Variants in USP1 observed in about 807,000 individuals in gnomAD.
USP1 encodes ubiquitin specific peptidase 1, also known as ubiquitin carboxyl-terminal hydrolase 1.
USP1 carries 18 observed loss-of-function variants against 72.2 expected under a neutral mutation model. That is an observed-to-expected ratio of 0.25 (90% CI 0.17 to 0.37). The LOEUF (loss-of-function observed/expected upper bound fraction) is 0.37, where lower values mean the gene tolerates loss of function less well. Among genes scored for constraint, USP1 ranks in the 10% least tolerant of loss-of-function variants. USP1 has a pLI of 1.00. For missense variants in USP1, 759 were observed against 884.9 expected (o/e 0.86, Z 1.81); for synonymous variants, 354 against 303.7 (o/e 1.17, Z -1.72).
intron 7 of USP1, among the ~76,000 whole-genome samples, chr1:62,447,855 C>T (rs773259287): frequency 1.6e-4 from 24 of 152,048 alleles, no homozygotes; most frequent in Non-Finnish European, 2.6e-4. Context: ...GGCGTGATCT[C>T]GGCTCACTGC....
rs142067480 is a variant in USP1 at position 62,443,201 on chromosome 1, T to C, written c.439T>C (p.Cys147Arg). ...TTCTTTGGCAAGTTATGAATTGATATGCAGTTTACAGTCCTTAATCATTTC... is the reference window on the plus strand; with the variant it reads ...TTCTTTGGCAAGTTATGAATTGATACGCAGTTTACAGTCCTTAATCATTTC... ...EDSLASYELI[C>R]SLQSLIISVE... Residue 147 changes from cysteine (C) to arginine (R), a missense_variant, in exon 5 of 9, where the codon TGC becomes CGC. By Grantham distance (180) the Cys-to-Arg change is radical. This residue lies in a region of USP1 where 71 missense variants were observed against 71.0 expected (regional missense o/e 1.00). Coordinates refer to ENST00000339950, the MANE Select transcript of USP1 (RefSeq NM_003368.5). The C allele has an allele frequency of 3.8e-5, 61 of 1,613,544 alleles. No homozygotes were observed. The highest frequency in any genetic ancestry group is 1.6e-4 in the Middle Eastern group (1 of 6,082).
upstream of USP1, chr1:62,436,887 C>A (rs1233277935): frequency 2.6e-6 from 1 of 384,962 alleles, no homozygotes; most frequent in African/African-American, 2.1e-5. Context: ...CCAGCTGGCT[C>A]CGGAGCCCGT....
intron 8 of USP1, among the ~76,000 whole-genome samples, chr1:62,449,732 C>G (rs1645200125): frequency 6.6e-6 from 1 of 151,870 alleles, no homozygotes; most frequent in Non-Finnish European, 1.5e-5. Flanking sequence ...GGCAACATGA[C>G]AAAACCCTAT....
chr1:62,445,117 A>C lies in USP1; in HGVS notation c.937A>C (p.Ser313Arg). 1 of 1,613,518 alleles carries C rather than the reference A, an allele frequency of 6.2e-7. No individual in the cohort carries two copies. Among genetic ancestry groups the C allele is most frequent in the Non-Finnish European group, 8.5e-7 (1 of 1,179,874 alleles). Residue 313 changes from serine (S) to arginine (R), a missense_variant, in exon 6 of 9, where the codon AGT becomes CGT. Around this residue, in one of 9 missense-constraint regions of USP1, gnomAD observed 245 missense variants for 240.7 expected, o/e 1.02. Transcript: ENST00000339950. ...AAAAGCTACAAGTGATACATTAGAGAGTCCTCCTAAAATAATTCCCAAGTA... is the reference window on the plus strand; with the variant it reads ...AAAAGCTACAAGTGATACATTAGAGCGTCCTCCTAAAATAATTCCCAAGTA... ...KRKATSDTLE[S>R]PPKIIPKYIS...
upstream of USP1, chr1:62,436,625 A>C: frequency 6.5e-6 from 1 of 152,818 alleles, no homozygotes; most frequent in Non-Finnish European, 1.5e-5. Flanking sequence ...TTCATCATGG[A>C]TTGGTGAATT....
chr1:62,442,570 C>T (rs1203971466), intron 4 of USP1, among the ~76,000 whole-genome samples: 6 of 152,068 alleles, frequency 3.9e-5, no homozygotes, highest in Middle Eastern at 3.4e-3. Flanking sequence ...ATGTTATACC[C>T]ATGTACAACT....
intron 7 of USP1, 86 bp downstream of exon 7, chr1:62,447,597 T>A: frequency 6.9e-7 from 1 of 1,442,488 alleles, no homozygotes; most frequent in African/African-American, 1.4e-5. Context: ...GCTGGTGTAA[T>A]TAGGGAGGGG....
At chr1:62,448,071 C>G (rs1645188703) in intron 7 of USP1, among the ~76,000 whole-genome samples, 1 of 152,170 alleles carries the variant, frequency 6.6e-6, no homozygotes, top group Non-Finnish European at 1.5e-5. Context: ...CAGGCGTGAG[C>G]CACCGCGCCT....
intron 8 of USP1, among the ~76,000 whole-genome samples, chr1:62,449,085 T>C (rs2149207952): frequency 6.6e-6 from 1 of 152,246 alleles, no homozygotes; most frequent in East Asian, 1.9e-4. Flanking sequence ...GATTTCACCA[T>C]GTTGCCCAGT....
chr1:62,443,657 A>T (rs556729695), intron 5 of USP1, among the ~76,000 whole-genome samples: 5 of 152,226 alleles, frequency 3.3e-5, no homozygotes, highest in African/African-American at 1.2e-4. Context: ...TATATGCCAT[A>T]TAATCATTGA....
At chr1:62,445,475 A>G in intron 6 of USP1, 46 bp downstream of exon 6, 6 of 1,444,750 alleles carry the variant, frequency 4.2e-6, no homozygotes, top group Non-Finnish European at 5.5e-6. Context: ...ATTAGCAGCT[A>G]CAGAATTAGA....
chr1:62,451,620 T>C lies in USP1; in HGVS notation c.*639T>C, dbSNP rs973559324. 3 of 152,716 alleles carry C rather than the reference T, an allele frequency of 2.0e-5. No individual in the cohort carries two copies. Among genetic ancestry groups the C allele is most frequent in the Admixed American group, 2.0e-4 (3 of 15,276 alleles). The allele number at this position is 152,716 out of a possible 1,614,324, so 9.5% of individuals were successfully genotyped here. On this transcript the variant is annotated 3_prime_UTR_variant, in exon 9 of 9. Coordinates refer to ENST00000339950, the MANE Select transcript of USP1 (RefSeq NM_003368.5). ...CTTTTTGGGCATGGACTAATTTGTA[T>C]CTGTTTAACTCATATTCTGCACGAT...
intron 8 of USP1, 63 bp downstream of exon 8, chr1:62,448,729 C>A: frequency 6.7e-7 from 1 of 1,495,540 alleles, no homozygotes; most frequent in Non-Finnish European, 9.2e-7. Flanking sequence ...AAGTCTTGTT[C>A]AAAATGCTGT....
intron 1 of USP1, among the ~76,000 whole-genome samples, chr1:62,438,436 G>T (rs967636750): frequency 6.6e-6 from 1 of 152,162 alleles, no homozygotes; most frequent in Non-Finnish European, 1.5e-5. Context: ...AGTGCTTCCT[G>T]ATTTGGGTCT....
At chr1:62,446,249 AC>A (rs1173141843) in intron 6 of USP1, among the ~76,000 whole-genome samples, 1 of 152,180 alleles carries the variant, frequency 6.6e-6, no homozygotes, top group Non-Finnish European at 1.5e-5. Context: ...TATGGTATAG[AC>A]CAGGGTATCT....
Position 62,450,502 on chromosome 1 carries a change from T to C in USP1, c.1879T>C (p.Leu627=), listed in dbSNP as rs770818820. ...GTGTGAAATAGGTAAGCCAGAACCA[T>C]TGAATGAGGAGGAAGCAAGGGGTGT... ...QMCEIGKPEP[L]NEEEARGVVE... Residue 627 remains leucine (L), a synonymous_variant, in exon 9 of 9, where the codon TTG becomes CTG. Coordinates refer to ENST00000339950, the MANE Select transcript of USP1 (RefSeq NM_003368.5). 3.7e-6 allele frequency: 6 copies of C among 1,614,058 alleles called. No homozygotes were observed. Among genetic ancestry groups the C allele is most frequent in the South Asian group, 2.2e-5 (2 of 91,062 alleles).
rs202215742 is a variant in USP1 at position 62,445,149 on chromosome 1, T to C, written c.969T>C (p.Ser323=). 6.2e-7 allele frequency: 1 copy of C among 1,613,538 alleles called. No homozygotes were observed. Among genetic ancestry groups the C allele is most frequent in the Non-Finnish European group, 8.5e-7 (1 of 1,179,856 alleles). Residue 323 remains serine, a synonymous_variant, in exon 6 of 9, where the codon TCT becomes TCC. Transcript: ENST00000339950. ...CTAAAATAATTCCCAAGTATATTTC[T>C]GAAAATGAGAGTCCAAGACCCTCAC... is the stretch of plus-strand genomic sequence containing the variant. ...SPPKIIPKYI[S]ENESPRPSQK...
Position 62,437,150 on chromosome 1 carries a change from G to A in USP1, c.-320G>A, listed in dbSNP as rs542461889. Reference sequence around the variant, plus strand: ...TGCTTGTTGCGCTCCTGGCTCTCCCGGGGCGGGCGCAGATGGGCGCCGCTC... The same window carrying A: ...TGCTTGTTGCGCTCCTGGCTCTCCCAGGGCGGGCGCAGATGGGCGCCGCTC... On this transcript the variant is annotated 5_prime_UTR_variant, in exon 1 of 9. Transcript: ENST00000339950. 6.7e-4 allele frequency: 268 copies of A among 399,074 alleles called. 1 individual carries two copies. The highest frequency in any genetic ancestry group is 9.7e-4 in the Non-Finnish European group (220 of 226,100). 24.7% of individuals were successfully genotyped at this position (399,074 alleles called of 1,614,324 possible).
chr1:62,440,156 ACTT>A (rs1445595077), intron 2 of USP1, 119 bp downstream of exon 2: 5 of 877,218 alleles, frequency 5.7e-6, no homozygotes, highest in African/African-American at 5.2e-5. Flanking sequence ...GCTTCAGTGT[ACTT>A]CTTAGTCAAA....
Sources: gnomAD v4.1 joint callset for allele counts (sites outside exome capture counted in the v4.1 genomes callset) on GRCh38, gnomAD v4.1.1 for gene constraint, gnomAD v4.1.1 regional missense constraint, MANE v1.5 for transcripts, NCBI Gene and HGNC (gene_info 2026-07-23, HGNC 2026-07-21) for gene names.